Variants in RGS5 observed in about 807,000 individuals in gnomAD.
The protein encoded by RGS5 is regulator of G-protein signalling 5.
A neutral mutation model predicts 18.9 loss-of-function variants in RGS5; 20 were observed. The observed-to-expected ratio is 1.06, with a 90% confidence interval of 0.74 to 1.54. The LOEUF is 1.54. Among genes scored for constraint, RGS5 ranks in the 40% most tolerant of loss-of-function variants. The pLI, the probability that RGS5 is intolerant of heterozygous loss-of-function variation, is 0.00. For missense variants in RGS5, 201 were observed against 211.8 expected (o/e 0.95, Z 0.32); for synonymous variants, 57 against 76.2 (o/e 0.75, Z 1.31).
chr1:163,239,687 T>C (rs750492251), intron 2 of RGS5, among the ~76,000 whole-genome samples: 2 of 152,208 alleles, frequency 1.3e-5, no homozygotes, highest in African/African-American at 4.8e-5. Context: ...AGGTCTTATT[T>C]TGTGAATTAT....
chr1:163,227,298 C>T (rs934369485), intron 2 of RGS5, among the ~76,000 whole-genome samples: 3 of 152,176 alleles, frequency 2.0e-5, no homozygotes, highest in Non-Finnish European at 4.4e-5. Flanking sequence ...TTAATTGACT[C>T]ACAGTTCCAC....
intron 4 of RGS5, among the ~76,000 whole-genome samples, chr1:163,147,871 A>G (rs1365556589): frequency 6.6e-6 from 1 of 151,112 alleles, no homozygotes; most frequent in East Asian, 1.9e-4. Flanking sequence ...ATTTGAATCT[A>G]GAGAATCAGA....
intron 1 of RGS5, among the ~76,000 whole-genome samples, chr1:163,193,600 A>G (rs1659443154): frequency 6.6e-6 from 1 of 152,110 alleles, no homozygotes; most frequent in Non-Finnish European, 1.5e-5. Context: ...GAAAGACCCA[A>G]TTTCTAATGC....
intron 2 of RGS5, among the ~76,000 whole-genome samples, chr1:163,225,176 G>C (rs1647306912): frequency 6.6e-6 from 1 of 152,118 alleles, no homozygotes; most frequent in African/African-American, 2.4e-5. Context: ...GGTGGGTTTT[G>C]AGTATAATGA....
At chr1:163,305,065 A>G (rs1649659672) in intron 2 of RGS5, 1 of 152,238 alleles carries the variant, frequency 6.6e-6, no homozygotes, top group Non-Finnish European at 1.5e-5. Flanking sequence ...ATTAAAATAT[A>G]GATTTGTCTA....
intron 2 of RGS5, among the ~76,000 whole-genome samples, chr1:163,227,191 G>A (rs1647357604): frequency 6.6e-6 from 1 of 152,210 alleles, no homozygotes; most frequent in Non-Finnish European, 1.5e-5. Context: ...AAAACATACT[G>A]ATGGCTTTCC....
In RGS5 at chr1:163,145,522, GATTGTAGC is replaced by G. The variant is rs1657097364; in HGVS notation, c.*1812_*1819del. 1 of 152,146 alleles carries G rather than the reference GATTGTAGC, an allele frequency of 6.6e-6. No homozygotes were observed. Among genetic ancestry groups the G allele is most frequent in the Admixed American group, 6.6e-5 (1 of 15,260 alleles). The allele number at this position is 152,146 out of a possible 1,614,324, so 9.4% of individuals were successfully genotyped here. A position where few individuals can be genotyped will look rare whatever the true frequency, so the allele number is the denominator to read the frequency against. On this transcript the variant is annotated 3_prime_UTR_variant, in exon 5 of 5. Coordinates refer to ENST00000313961, the MANE Select transcript of RGS5 (RefSeq NM_003617.4). ...CAATTGCATGCAATGAGAACTTCAT[GATTGTAGC>G]ATTGATCTGGCCTAGCTCTGGACTG...
At chr1:163,167,448 G>A (rs767458669) in intron 2 of RGS5, among the ~76,000 whole-genome samples, 1 of 152,144 alleles carries the variant, frequency 6.6e-6, no homozygotes, top group African/African-American at 2.4e-5. Context: ...GATGATGAAC[G>A]ATGGGAATGC....
In RGS5 at chr1:163,280,363, T is replaced by C. The variant is rs78788240; in HGVS notation, c.-281+25870A>G. On this transcript the variant is annotated intron_variant, in intron 2 of 5. Coordinates refer to the RGS5 transcript ENST00000618415. ...TGCAAGGATGTTTCAACATATGCAA[T>C]TCAATGAATGTGATAAATCACATCA... 2.6e-3 allele frequency among the ~76,000 whole-genome samples: 392 copies of C among 152,194 alleles called. 15 individuals carry two copies. In the East Asian group the frequency reaches 0.068, roughly 26 times the overall value.
upstream of RGS5, among the ~76,000 whole-genome samples, chr1:163,220,000 A>AT (rs1236231498): frequency 6.6e-6 from 1 of 152,194 alleles, no homozygotes; most frequent in Non-Finnish European, 1.5e-5. Context: ...GTTTTTCAGA[A>AT]TGCCTGAACC....
chr1:163,317,065 CTT>C (rs139753997), intron 1 of RGS5, among the ~76,000 whole-genome samples: 98 of 152,222 alleles, frequency 6.4e-4, no homozygotes, highest in African/African-American at 2.3e-3. Context: ...TCAGACCTCT[CTT>C]TTTGAGTTTC....
chr1:163,176,477 C>T (rs1397571419), intron 1 of RGS5, among the ~76,000 whole-genome samples: 1 of 152,050 alleles, frequency 6.6e-6, no homozygotes, highest in Admixed American at 6.6e-5. Flanking sequence ...CAAAATTAGC[C>T]ATGAGTGGTG....
intron 2 of RGS5, among the ~76,000 whole-genome samples, chr1:163,301,043 G>C (rs554237259): frequency 2.0e-5 from 3 of 152,318 alleles, no homozygotes; most frequent in Non-Finnish European, 2.9e-5. Flanking sequence ...CAATGAGGTT[G>C]AGGAGAAAAT....
intron 2 of RGS5, among the ~76,000 whole-genome samples, chr1:163,229,648 T>G (rs1231494018): frequency 6.6e-6 from 1 of 152,274 alleles, no homozygotes; most frequent in Non-Finnish European, 1.5e-5. Flanking sequence ...GCATTTGCCC[T>G]TGCAGTTCCA....
intron 2 of RGS5, among the ~76,000 whole-genome samples, chr1:163,281,399 T>C (rs1648987910): frequency 6.6e-6 from 1 of 152,142 alleles, no homozygotes; most frequent in Non-Finnish European, 1.5e-5. Flanking sequence ...CTCAGGAAGC[T>C]TACAAGCATG....
chr1:163,152,784 A>T, intron 3 of RGS5, 68 bp from the exon 4 acceptor site: 1 of 1,414,930 alleles, frequency 7.1e-7, no homozygotes, highest in Non-Finnish European at 9.5e-7. Flanking sequence ...TATCCATGAG[A>T]GAAAGGGAAA....
chr1:163,315,800 G>A (rs1471795926), intron 1 of RGS5, among the ~76,000 whole-genome samples: 3 of 152,084 alleles, frequency 2.0e-5, no homozygotes, highest in East Asian at 1.9e-4. Context: ...TGAATTCAAC[G>A]CTATTTTTCT....
At chr1:163,260,670 GAAAAA>G (rs11302558) in intron 2 of RGS5, 1 of 142,458 alleles carries the variant, frequency 7.0e-6, no homozygotes, top group South Asian at 2.2e-4. Flanking sequence ...AAATAAAAAT[GAAAAA>G]AAAAAAACAA....
At chr1:163,191,815 C>A (rs1659370130) in intron 1 of RGS5, among the ~76,000 whole-genome samples, 8 of 152,134 alleles carry the variant, frequency 5.3e-5, no homozygotes, top group Admixed American at 5.2e-4. Flanking sequence ...CTAGAAAAAC[C>A]AAACTATGAT....
Sources: gnomAD v4.1 joint callset for allele counts (sites outside exome capture counted in the v4.1 genomes callset) on GRCh38, gnomAD v4.1.1 for gene constraint, MANE v1.5 for transcripts, NCBI Gene and HGNC (gene_info 2026-07-23, HGNC 2026-07-21) for gene names.